Variants in SPDYE14 observed in about 807,000 individuals in gnomAD.
SPDYE14 encodes speedy/RINGO cell cycle regulator family member E14.
the SPDYE14 span, among the ~76,000 whole-genome samples, chr7:75,240,574 C>T: frequency 2.2e-3 from 118 of 52,584 alleles, 45 homozygotes; most frequent in Non-Finnish European, 4.1e-3. Flanking sequence ...CCAGCCTGGG[C>T]GACAGAATGA....
chr7:75,279,053 A>G, the SPDYE14 span, among the ~76,000 whole-genome samples: 2 of 119,996 alleles, frequency 1.7e-5, 1 homozygote, highest in African/African-American at 8.3e-5. Context: ...ATTTGAAACA[A>G]AGTATTCTCT....
chr7:75,240,225 C>CA, the SPDYE14 span, among the ~76,000 whole-genome samples: 762 of 15,774 alleles, frequency 0.048, 66 homozygotes, highest in Non-Finnish European at 0.082. Context: ...GCCTCCATCT[C>CA]AAAAAAAAAA....
the SPDYE14 span, among the ~76,000 whole-genome samples, chr7:75,244,108 T>G: frequency 0.3 from 15,565 of 52,024 alleles, 6,987 homozygotes; most frequent in Non-Finnish European, 0.46. Flanking sequence ...TGCTTTTTTT[T>G]TGTGTGTGAG....
chr7:75,247,410 G>A, the SPDYE14 span, among the ~76,000 whole-genome samples: 2 of 36,266 alleles, frequency 5.5e-5, no homozygotes, highest in Admixed American at 5.0e-4. Context: ...AAAGAAAGAC[G>A]AAAGAAAGAA....
At chr7:75,264,529 T>C in the SPDYE14 span, among the ~76,000 whole-genome samples, 4 of 57,352 alleles carry the variant, frequency 7.0e-5, 1 homozygote, top group Admixed American at 2.6e-4. Context: ...TATAATGATA[T>C]ATGTAGCTTT....
chr7:75,271,576 A>G, the SPDYE14 span, among the ~76,000 whole-genome samples: 1 of 51,826 alleles, frequency 1.9e-5, no homozygotes, highest in African/African-American at 4.5e-5. Flanking sequence ...CACGCCTGTA[A>G]TCCCAGCACT....
the SPDYE14 span, among the ~76,000 whole-genome samples, chr7:75,247,512 G>A: frequency 8.6e-6 from 1 of 115,758 alleles, no homozygotes. Context: ...AAAGAGGAAA[G>A]AAAGAAAGAA....
the SPDYE14 span, among the ~76,000 whole-genome samples, chr7:75,241,691 A>T: frequency 3.9e-5 from 1 of 25,478 alleles, no homozygotes; most frequent in African/African-American, 9.5e-5. Context: ...ATATATATAT[A>T]TATATTTTTT....
the SPDYE14 span, among the ~76,000 whole-genome samples, chr7:75,275,142 C>T: frequency 1.6e-5 from 1 of 61,222 alleles, no homozygotes. Context: ...CCGCCCCGTC[C>T]GGGAGGTGAG....
chr7:75,260,096 A>G, the SPDYE14 span, among the ~76,000 whole-genome samples: 3 of 65,314 alleles, frequency 4.6e-5, no homozygotes, highest in Middle Eastern at 7.0e-3. Flanking sequence ...CATGTTGTCA[A>G]TGGTCCTCAG....
the SPDYE14 span, among the ~76,000 whole-genome samples, chr7:75,279,672 G>A: frequency 3.6e-4 from 18 of 49,864 alleles, 3 homozygotes; most frequent in African/African-American, 7.9e-4. Context: ...TCGATCTCCT[G>A]ATCTCGTGAT....
chr7:75,241,697 T>TA, the SPDYE14 span, among the ~76,000 whole-genome samples: 3 of 14,796 alleles, frequency 2.0e-4, no homozygotes, highest in Admixed American at 1.1e-3. Context: ...ATATATATAT[T>TA]TTTTTTTTTT....
the SPDYE14 span, among the ~76,000 whole-genome samples, chr7:75,243,446 C>CA: frequency 1.3e-3 from 60 of 44,450 alleles, 2 homozygotes; most frequent in African/African-American, 3.1e-3. Flanking sequence ...CCCTTCTCTA[C>CA]AAAAAAATAC....
the SPDYE14 span, among the ~76,000 whole-genome samples, chr7:75,240,823 C>T: frequency 1.3e-4 from 2 of 15,576 alleles, no homozygotes; most frequent in African/African-American, 3.3e-4. Context: ...AGGCTGGGTA[C>T]AGTGGCTGAT....
At chr7:75,265,156 G>C in the SPDYE14 span, among the ~76,000 whole-genome samples, 1 of 34,214 alleles carries the variant, frequency 2.9e-5, no homozygotes, top group Non-Finnish European at 5.4e-5. Flanking sequence ...CTGGTGAGCA[G>C]TGGCGTGATC....
At chr7:75,247,484 A>G in the SPDYE14 span, among the ~76,000 whole-genome samples, 14 of 121,458 alleles carry the variant, frequency 1.2e-4, 1 homozygote, top group African/African-American at 3.1e-4. Context: ...AAGAAAGAAA[A>G]GAAAGAAAGA....
the SPDYE14 span, among the ~76,000 whole-genome samples, chr7:75,278,985 A>G: frequency 1.4e-4 from 16 of 113,066 alleles, no homozygotes. Context: ...GGAGAGTGAC[A>G]TGATCTGATT....
the SPDYE14 span, among the ~76,000 whole-genome samples, chr7:75,272,657 C>T: frequency 1.6e-4 from 9 of 55,432 alleles, 4 homozygotes; most frequent in South Asian, 2.6e-3. Flanking sequence ...GAGGCCAAGG[C>T]GGGCGGATCA....
the SPDYE14 span, among the ~76,000 whole-genome samples, chr7:75,247,698 C>G: frequency 7.4e-5 from 2 of 26,906 alleles, no homozygotes; most frequent in African/African-American, 1.4e-4. Flanking sequence ...CATGCCTCAG[C>G]CTCCCGAGTA....
Sources: gnomAD v4.1 joint callset for allele counts (sites outside exome capture counted in the v4.1 genomes callset) on GRCh38, gnomAD v4.1.1 for gene constraint, MANE v1.5 for transcripts, NCBI Gene and HGNC (gene_info 2026-07-23, HGNC 2026-07-21) for gene names.